The following KLHL5 variants were observed in gnomAD, a reference collection of about 807,000 sequenced individuals.
KLHL5 encodes kelch like family member 5.
In KLHL5, 48 loss-of-function variants were observed where a neutral mutation model predicts 77.7. The observed-to-expected ratio is 0.62, with a 90% CI of 0.49 to 0.79. The LOEUF (loss-of-function observed/expected upper bound fraction) is 0.79. Among genes scored for constraint, KLHL5 ranks in the 30% least tolerant of loss-of-function variants. The pLI, the probability that KLHL5 is intolerant of heterozygous loss-of-function variation, is 0.00. For synonymous variants in KLHL5, 260 were observed against 297.0 expected, an observed-to-expected ratio of 0.88 and a Z score of 1.28; for missense variants, 723 against 859.7, an observed-to-expected ratio of 0.84 and a Z score of 1.99.
chr4:39,121,449 T>C lies in KLHL5; in HGVS notation c.*383T>C, dbSNP rs1436420286. The stretch of plus-strand genomic sequence containing the variant: ...ACACACCAGATGAAACTTTAAAATG[T>C]TACTTTTTGTAAGCTTATCATAAAT... On this transcript the variant is annotated 3_prime_UTR_variant, in exon 11 of 11. Transcript: ENST00000504108. 5.8e-6 allele frequency: 1 copy of C among 173,402 alleles called. No homozygotes were observed. Among genetic ancestry groups the C allele is most frequent in the Non-Finnish European group, 1.2e-5 (1 of 81,878 alleles). 10.7% of individuals were successfully genotyped at this position (173,402 alleles called of 1,614,324 possible).
At position 39,062,640 on chromosome 4, in the gene KLHL5, G is replaced by T; in HGVS notation, c.-13G>T. The T allele has an allele frequency of 2.5e-6, 4 of 1,614,124 alleles. No homozygotes were observed. The highest frequency in any genetic ancestry group is 3.4e-6 in the Non-Finnish European group (4 of 1,180,006). On this transcript the variant is annotated 5_prime_UTR_variant, in exon 1 of 11. Transcript: ENST00000504108. Reference sequence around the variant, plus strand: ...TTGCCCGTTGCCTAGACGATCACTTGGTTTCTCTGAGGATGTCTGGTTCTC... The same window carrying T: ...TTGCCCGTTGCCTAGACGATCACTTTGTTTCTCTGAGGATGTCTGGTTCTC...
chr4:39,115,121 A>G, intron 9 of KLHL5, 38 bp from the exon 10 acceptor site: 3 of 1,570,626 alleles, frequency 1.9e-6, no homozygotes, highest in Non-Finnish European at 1.7e-6. Flanking sequence ...AAATATTTTA[A>G]GAATAATGTC....
chr4:39,056,129 T>A (rs940222729), intron 1 of KLHL5, among the ~76,000 whole-genome samples: 3 of 152,230 alleles, frequency 2.0e-5, no homozygotes, highest in African/African-American at 7.2e-5. Flanking sequence ...AAATTGTGTG[T>A]GTGTATGTGT....
chr4:39,045,430 A>C (rs1001518203), intron 1 of KLHL5, among the ~76,000 whole-genome samples: 6 of 151,452 alleles, frequency 4.0e-5, no homozygotes, highest in South Asian at 2.1e-4. Flanking sequence ...ACTGCGGTGC[A>C]CCCGTTGCTG....
Position 39,086,672 on chromosome 4 carries a change from G to A in KLHL5, c.1058G>A (p.Arg353Gln), listed in dbSNP as rs766296004. 66 of 1,613,746 alleles carry A rather than the reference G, an allele frequency of 4.1e-5. No homozygotes were observed. Among genetic ancestry groups the A allele is most frequent in the Non-Finnish European group, 4.8e-5 (57 of 1,179,930 alleles). ...TWVRHDLEQR[R>Q]KDLSKLLAYI... ...GTCCGTCATGATTTGGAACAGAGACGGAAAGATCTAAGTAAACTTTTGGCT... is the reference window on the plus strand; with the variant it reads ...GTCCGTCATGATTTGGAACAGAGACAGAAAGATCTAAGTAAACTTTTGGCT... The change falls in exon 5 of 11, where the codon CGG becomes CAG. Residue 353 changes from arginine (R) to glutamine (Q), a missense_variant. Arg to Gln is a conservative substitution (Grantham distance 43). This residue lies in a region of KLHL5 where 288 missense variants were observed against 400.3 expected (regional missense o/e 0.72). Transcript: ENST00000504108.
At chr4:39,103,974 C>CAA (rs35801364) in intron 7 of KLHL5, among the ~76,000 whole-genome samples, 39,431 of 92,902 alleles carry the variant, frequency 0.42, 8,308 homozygotes, top group Middle Eastern at 0.54. Context: ...ACATCTATCT[C>CAA]AAAAAAAAAA....
At chr4:39,096,608 C>A in intron 5 of KLHL5, 84 bp from the exon 6 acceptor site, 2 of 900,970 alleles carry the variant, frequency 2.2e-6, no homozygotes, top group Non-Finnish European at 3.3e-6. Context: ...TATGTAAAAT[C>A]CATTTGAGAA....
intron 10 of KLHL5, among the ~76,000 whole-genome samples, chr4:39,119,363 G>A (rs1723059436): frequency 6.6e-6 from 1 of 152,182 alleles, no homozygotes; most frequent in African/African-American, 2.4e-5. Context: ...GAAGCAGGTG[G>A]TTTGCCTGAG....
Position 39,045,093 on chromosome 4 carries a change from C to G in KLHL5, c.-98C>G, listed in dbSNP as rs1489592167. ...ACCCACGGCCGCCTCCGGAGCCCGA[C>G]GCGGTAAGTGCGACTTCCTTCTCGG... On this transcript the variant is annotated 5_prime_UTR_variant, in exon 1 of 12. Transcript: ENST00000261425. The G allele has an allele frequency of 3.0e-6, 3 of 986,856 alleles. No individual in the cohort carries two copies. The African/African-American group carries it at 5.3e-5, about 17-fold the overall frequency. The allele number at this position is 986,856 out of a possible 1,614,324, so 61.1% of individuals were successfully genotyped here.
upstream of KLHL5, among the ~76,000 whole-genome samples, chr4:39,061,025 T>C (rs144802545): frequency 2.5e-3 from 385 of 152,332 alleles, 2 homozygotes; most frequent in Middle Eastern, 0.014. Flanking sequence ...TATTAGAATC[T>C]TTTTCTGTAG....
intron 2 of KLHL5, among the ~76,000 whole-genome samples, chr4:39,079,370 C>G (rs1203685316): frequency 6.6e-6 from 1 of 152,188 alleles, no homozygotes; most frequent in East Asian, 1.9e-4. Context: ...CACGATCCAG[C>G]CTGCCGTATC....
chr4:39,126,905 A>G, downstream of KLHL5: 2 of 368,674 alleles, frequency 5.4e-6, no homozygotes, highest in South Asian at 4.1e-5. Context: ...TGTGTGTCAG[A>G]AGTTACTGGG....
the KLHL5 span, among the ~76,000 whole-genome samples, chr4:39,132,860 G>A: frequency 6.7e-6 from 1 of 149,438 alleles, no homozygotes; most frequent in South Asian, 2.1e-4. Context: ...AAAATATGGT[G>A]AAAGACTTTC....
At chr4:39,082,610 A>G (rs1164395032) in intron 4 of KLHL5, among the ~76,000 whole-genome samples, 2 of 152,222 alleles carry the variant, frequency 1.3e-5, no homozygotes, top group East Asian at 3.8e-4. Context: ...ATTTACAGCC[A>G]TGTAGAATGA....
chr4:39,119,938 A>G (rs553363674), intron 10 of KLHL5, among the ~76,000 whole-genome samples: 1 of 152,184 alleles, frequency 6.6e-6, no homozygotes, highest in East Asian at 1.9e-4. Flanking sequence ...TGATTGTTCC[A>G]AGAGACTTAC....
chr4:39,130,805 G>A (rs1353905142), downstream of KLHL5, among the ~76,000 whole-genome samples: 1 of 151,952 alleles, frequency 6.6e-6, no homozygotes, highest in Non-Finnish European at 1.5e-5. Flanking sequence ...ACGTTTACAA[G>A]AGCCAGTTAT....
At chr4:39,116,041 A>C (rs1432888152) in intron 10 of KLHL5, 1 of 985,304 alleles carries the variant, frequency 1.0e-6, no homozygotes, top group Non-Finnish European at 1.2e-6. Context: ...TCAAGAAAAC[A>C]AAGCTTCTAG....
chr4:39,069,672 T>C (rs1718290500), intron 1 of KLHL5, among the ~76,000 whole-genome samples: 1 of 151,756 alleles, frequency 6.6e-6, no homozygotes, highest in African/African-American at 2.4e-5. Flanking sequence ...TGGGGAAGTG[T>C]CCTTCTGGTA....
chr4:39,091,001 T>C (rs1357505020), intron 5 of KLHL5, among the ~76,000 whole-genome samples: 1 of 149,714 alleles, frequency 6.7e-6, no homozygotes, highest in East Asian at 2.0e-4. Context: ...TTTTTTTTTT[T>C]TTTTAAGACA....
Sources: allele counts gnomAD v4.1 joint callset (sites outside exome capture counted in the v4.1 genomes callset), GRCh38; gene constraint gnomAD v4.1.1; regional missense constraint gnomAD v4.1.1; transcripts MANE v1.5; gene names NCBI Gene and HGNC (gene_info 2026-07-23, HGNC 2026-07-21).